Variants in CDH12 observed in about 807,000 individuals in gnomAD.
The protein encoded by CDH12 is cadherin 12, also known as cadherin-12.
In CDH12, 41 loss-of-function variants were observed where a neutral mutation model predicts 74.1. That is an observed-to-expected ratio of 0.55 (90% CI 0.43 to 0.72). The LOEUF (loss-of-function observed/expected upper bound fraction) is 0.72, where lower values mean the gene tolerates loss of function less well. Ranked by LOEUF, CDH12 falls within the 30% of genes least tolerant of loss-of-function variation. The pLI, the probability that CDH12 is intolerant of heterozygous loss-of-function variation, is 0.00. For missense variants in CDH12, 945 were observed against 977.2 expected (o/e 0.97, Z 0.44); for synonymous variants, 399 against 355.0 (o/e 1.12, Z -1.39).
chr5:21,990,512 T>C (rs1284188084), intron 5 of CDH12, among the ~76,000 whole-genome samples: 3 of 151,944 alleles, frequency 2.0e-5, no homozygotes, highest in Non-Finnish European at 4.4e-5. Flanking sequence ...GTAGAGAATT[T>C]GGCTTCACAG....
intron 8 of CDH12, among the ~76,000 whole-genome samples, chr5:21,833,035 T>A (rs1749173212): frequency 1.3e-5 from 1 of 76,510 alleles, no homozygotes; most frequent in Non-Finnish European, 2.3e-5. Context: ...ATATAATATA[T>A]AATATATAAT....
At chr5:22,492,389 C>T (rs1054347744) in intron 2 of CDH12, among the ~76,000 whole-genome samples, 14 of 151,484 alleles carry the variant, frequency 9.2e-5, no homozygotes, top group African/African-American at 3.4e-4. Flanking sequence ...GCTCTGTCAC[C>T]CAGGCAGGAG....
intron 3 of CDH12, among the ~76,000 whole-genome samples, chr5:22,287,586 G>A (rs1342554670): frequency 6.6e-6 from 1 of 151,734 alleles, no homozygotes; most frequent in Admixed American, 6.6e-5. Flanking sequence ...TAGCCGGCGC[G>A]GTGGCGGGCG....
intron 6 of CDH12, among the ~76,000 whole-genome samples, chr5:21,881,944 T>C (rs1752376142): frequency 1.3e-5 from 2 of 152,232 alleles, no homozygotes; most frequent in South Asian, 4.1e-4. Flanking sequence ...ATCAGTCTAA[T>C]ATCCAGGCTG....
chr5:21,982,963 A>C (rs1275348020), intron 5 of CDH12, among the ~76,000 whole-genome samples: 1 of 152,094 alleles, frequency 6.6e-6, no homozygotes, highest in Non-Finnish European at 1.5e-5. Flanking sequence ...GTCTGACATC[A>C]AATCTTTTCA....
At chr5:21,929,725 C>T (rs929971670) in intron 6 of CDH12, among the ~76,000 whole-genome samples, 11 of 152,000 alleles carry the variant, frequency 7.2e-5, no homozygotes, top group African/African-American at 2.4e-4. Context: ...ACCATGTTGC[C>T]CAGGCTGGTC....
intron 5 of CDH12, among the ~76,000 whole-genome samples, chr5:22,038,207 T>A (rs1426199356): frequency 1.3e-5 from 2 of 152,080 alleles, no homozygotes; most frequent in African/African-American, 4.8e-5. Flanking sequence ...TACCCTTCCA[T>A]CCTTGAGGTT....
intron 1 of CDH12, among the ~76,000 whole-genome samples, chr5:22,840,927 A>G (rs1737055355): frequency 6.6e-6 from 1 of 152,186 alleles, no homozygotes; most frequent in Non-Finnish European, 1.5e-5. Flanking sequence ...CCTAAGTTCC[A>G]GGAAAAGCAA....
intron 1 of CDH12, among the ~76,000 whole-genome samples, chr5:22,716,763 T>TATCA (rs1743600486): frequency 6.6e-6 from 1 of 152,034 alleles, no homozygotes; most frequent in Non-Finnish European, 1.5e-5. Flanking sequence ...ATATTGATGA[T>TATCA]CCTGACCCTG....
intron 4 of CDH12, among the ~76,000 whole-genome samples, chr5:22,116,135 C>T (rs139924882): frequency 7.9e-5 from 12 of 152,252 alleles, no homozygotes; most frequent in Middle Eastern, 3.4e-3. Flanking sequence ...GTGGGACCAA[C>T]CTAATCACAT....
chr5:22,654,734 A>T (rs1739944318), intron 1 of CDH12, among the ~76,000 whole-genome samples: 1 of 151,594 alleles, frequency 6.6e-6, no homozygotes. Flanking sequence ...GTCCGGGTTC[A>T]AGCGGTTCTC....
intron 5 of CDH12, among the ~76,000 whole-genome samples, chr5:22,052,526 T>A (rs930997455): frequency 6.6e-6 from 1 of 152,152 alleles, no homozygotes; most frequent in Non-Finnish European, 1.5e-5. Flanking sequence ...GCACCTACAC[T>A]GAGAGGTGTT....
At chr5:21,790,683 A>G (rs1437276167) in intron 10 of CDH12, among the ~76,000 whole-genome samples, 1 of 152,080 alleles carries the variant, frequency 6.6e-6, no homozygotes, top group African/African-American at 2.4e-5. Flanking sequence ...TATATGTTGC[A>G]TAGGGATAGA....
chr5:22,782,000 C>T (rs1747407201), intron 1 of CDH12, among the ~76,000 whole-genome samples: 1 of 152,112 alleles, frequency 6.6e-6, no homozygotes, highest in Admixed American at 6.6e-5. Context: ...CCAATTTCTC[C>T]CATTTGGAAT....
chr5:21,945,753 A>T (rs1379967127), intron 6 of CDH12, among the ~76,000 whole-genome samples: 1 of 100,986 alleles, frequency 9.9e-6, no homozygotes, highest in African/African-American at 5.4e-5. Flanking sequence ...GAAAACTGAT[A>T]AAAAAAAAAT....
At chr5:22,210,389 T>A (rs1365200892) in intron 4 of CDH12, among the ~76,000 whole-genome samples, 1 of 146,942 alleles carries the variant, frequency 6.8e-6, no homozygotes, top group African/African-American at 2.5e-5. Context: ...TAATTTTCAG[T>A]TGAACCCAAG....
At chr5:22,518,724 T>C (rs1736912459) in intron 1 of CDH12, among the ~76,000 whole-genome samples, 2 of 152,102 alleles carry the variant, frequency 1.3e-5, no homozygotes, top group South Asian at 4.1e-4. Context: ...CACCAACTAA[T>C]AGAATAGTCA....
At chr5:22,303,548 A>G (rs1486248246) in intron 3 of CDH12, among the ~76,000 whole-genome samples, 1 of 152,120 alleles carries the variant, frequency 6.6e-6, no homozygotes, top group Non-Finnish European at 1.5e-5. Context: ...ATAAAGATTC[A>G]TTTTTAATTA....
At chr5:21,771,232 C>G (rs2149883551) in intron 11 of CDH12, among the ~76,000 whole-genome samples, 1 of 151,746 alleles carries the variant, frequency 6.6e-6, no homozygotes, top group East Asian at 1.9e-4. Context: ...AATTGTGTGA[C>G]TGTGTTCTAA....
Sources: gnomAD v4.1 joint callset for allele counts (sites outside exome capture counted in the v4.1 genomes callset) on GRCh38, gnomAD v4.1.1 for gene constraint, MANE v1.5 for transcripts, NCBI Gene and HGNC (gene_info 2026-07-23, HGNC 2026-07-21) for gene names.